Variants in CCDC171 observed in about 807,000 individuals in gnomAD.
CCDC171 encodes the protein coiled-coil domain containing 171.
In CCDC171, 177 loss-of-function variants were observed where a neutral mutation model predicts 168.2. The observed-to-expected ratio is 1.05, with a 90% CI of 0.93 to 1.19. The LOEUF (loss-of-function observed/expected upper bound fraction) is 1.19, where lower values mean the gene tolerates loss of function less well. CCDC171 is among the 50% of genes most tolerant of loss of function. CCDC171 has a pLI of 0.00. For missense variants in CCDC171, 1,991 were observed against 1,539.0 expected, an observed-to-expected ratio of 1.29 and a Z score of -4.91; for synonymous variants, 687 against 540.8, an observed-to-expected ratio of 1.27 and a Z score of -3.75.
intron 21 of CCDC171, among the ~76,000 whole-genome samples, chr9:15,807,126 G>A (rs374372155): frequency 7.2e-5 from 11 of 152,032 alleles, no homozygotes; most frequent in Admixed American, 1.3e-4. Context: ...TGGTTTTATC[G>A]CAGTTCTTAG....
intron 24 of CCDC171, among the ~76,000 whole-genome samples, chr9:15,880,081 G>C (rs373635385): frequency 3.9e-5 from 6 of 152,226 alleles, no homozygotes; most frequent in African/African-American, 1.4e-4. Flanking sequence ...ATTTTACACA[G>C]AGTTGCTAAG....
chr9:15,762,951 C>A (rs144083850), intron 18 of CCDC171, among the ~76,000 whole-genome samples: 158 of 152,224 alleles, frequency 1.0e-3, no homozygotes, highest in African/African-American at 3.7e-3. Context: ...CAAAGGCTGT[C>A]CTCACTTCTG....
At chr9:15,767,897 A>G (rs2056817502) in intron 18 of CCDC171, among the ~76,000 whole-genome samples, 2 of 74,786 alleles carry the variant, frequency 2.7e-5, no homozygotes, top group Admixed American at 3.7e-4. Flanking sequence ...AGCCATTAAA[A>G]AAATTTTTTT....
rs553996488 is a variant in CCDC171 at position 15,613,215 on chromosome 9, C to T, written c.676-10052C>T. Among the ~76,000 whole-genome samples the T allele has an allele frequency of 1.6e-3, 250 of 152,280 alleles. 1 individual carries two copies. The highest frequency in any genetic ancestry group is 5.9e-3 in the African/African-American group (244 of 41,580). ...TCTCTACGTCTTTGCCATCACCTGT[C>T]ATCATCAGTCTTTTTGATGATAACC... On this transcript the variant is annotated intron_variant, in intron 6 of 25. Transcript: ENST00000380701.
intron 12 of CCDC171, among the ~76,000 whole-genome samples, chr9:15,722,176 A>C (rs2053528497): frequency 6.6e-6 from 1 of 152,214 alleles, no homozygotes; most frequent in South Asian, 2.1e-4. Flanking sequence ...CAAGTAGTTT[A>C]AGTTAATATG....
At chr9:15,598,776 G>T (rs1326186617) in intron 6 of CCDC171, among the ~76,000 whole-genome samples, 1 of 152,090 alleles carries the variant, frequency 6.6e-6, no homozygotes, top group Non-Finnish European at 1.5e-5. Context: ...ATTATTGTGT[G>T]GGAGTCTAAG....
intron 5 of CCDC171, among the ~76,000 whole-genome samples, 163 bp downstream of exon 5, chr9:15,591,719 T>G (rs1288401650): frequency 1.3e-5 from 2 of 152,068 alleles, no homozygotes; most frequent in Non-Finnish European, 2.9e-5. Context: ...TGGTCTCTTT[T>G]GGAGTATATT....
intron 24 of CCDC171, among the ~76,000 whole-genome samples, chr9:15,908,963 A>G (rs1249090509): frequency 6.6e-6 from 1 of 152,160 alleles, no homozygotes; most frequent in East Asian, 1.9e-4. Context: ...ATACATGCAA[A>G]CTATATCAAC....
chr9:15,599,046 G>T (rs547002399), intron 6 of CCDC171, among the ~76,000 whole-genome samples: 1 of 152,100 alleles, frequency 6.6e-6, no homozygotes, highest in Non-Finnish European at 1.5e-5. Context: ...GTGTGTCTCT[G>T]CATGTGAGAT....
At chr9:15,778,442 C>T (rs1177293908) in intron 19 of CCDC171, among the ~76,000 whole-genome samples, 2 of 146,958 alleles carry the variant, frequency 1.4e-5, no homozygotes, top group Non-Finnish European at 3.0e-5. Flanking sequence ...AGTTCAAGAA[C>T]AGCCTGGCCA....
the CCDC171 span, among the ~76,000 whole-genome samples, chr9:16,101,032 G>T: frequency 6.6e-6 from 1 of 152,248 alleles, no homozygotes; most frequent in Non-Finnish European, 1.5e-5. Flanking sequence ...GGTGTTGACA[G>T]GCTCAGGCTG....
At chr9:15,576,325 G>T (rs2040660447) in intron 3 of CCDC171, among the ~76,000 whole-genome samples, 1 of 151,860 alleles carries the variant, frequency 6.6e-6, no homozygotes, top group Non-Finnish European at 1.5e-5. Flanking sequence ...CAGGACTGTA[G>T]GTGTGTGCCA....
chr9:15,681,452 G>T (rs527946961), intron 10 of CCDC171, among the ~76,000 whole-genome samples: 3 of 151,856 alleles, frequency 2.0e-5, no homozygotes, highest in African/African-American at 7.2e-5. Context: ...CTTCTTCCCT[G>T]TTAGCTTTCT....
intron 8 of CCDC171, 87 bp from the exon 9 acceptor site, chr9:15,666,076 T>G: frequency 8.7e-7 from 1 of 1,154,940 alleles, no homozygotes; most frequent in Non-Finnish European, 1.2e-6. Context: ...TGAATGATAA[T>G]CTGTTACTGA....
At chr9:16,068,494 A>C in the CCDC171 span, among the ~76,000 whole-genome samples, 1 of 152,280 alleles carries the variant, frequency 6.6e-6, no homozygotes, top group South Asian at 2.1e-4. Context: ...TGCTCTCTTC[A>C]GTATACTGTG....
chr9:15,920,902 A>G (rs1825228250), intron 25 of CCDC171, among the ~76,000 whole-genome samples: 2 of 151,788 alleles, frequency 1.3e-5, no homozygotes, highest in Admixed American at 1.3e-4. Context: ...ATTCAGTTTC[A>G]GCAGCTATTT....
intron 6 of CCDC171, among the ~76,000 whole-genome samples, chr9:15,603,158 G>A (rs370258707): frequency 3.3e-5 from 5 of 151,622 alleles, no homozygotes; most frequent in African/African-American, 4.8e-5. Context: ...AGTTTTTTTT[G>A]TATTTTTAGT....
Position 15,771,556 on chromosome 9 carries a change from C to A in CCDC171, c.2672-6044C>A, listed in dbSNP as rs1266319665. Among the ~76,000 whole-genome samples the A allele has an allele frequency of 2.9e-5, 4 of 136,528 alleles. No homozygotes were observed. In the East Asian group the frequency reaches 1.0e-3, roughly 35 times the overall value. The allele number at this position is 136,528 out of a possible 152,430, so 89.6% of individuals were successfully genotyped here. A position where few individuals can be genotyped will look rare whatever the true frequency, so the allele number is the denominator to read the frequency against. Reference sequence around the variant, plus strand: ...GGAATTATAAAAGCTCCTTGTGTATCATGTATATTAACACTTTATCATAGT... The same window carrying A: ...GGAATTATAAAAGCTCCTTGTGTATAATGTATATTAACACTTTATCATAGT... On this transcript the variant is annotated intron_variant, in intron 18 of 25. Coordinates refer to ENST00000380701, the MANE Select transcript of CCDC171 (RefSeq NM_173550.4).
chr9:15,780,912 C>A (rs2057633231), intron 20 of CCDC171, among the ~76,000 whole-genome samples: 1 of 152,040 alleles, frequency 6.6e-6, no homozygotes, highest in African/African-American at 2.4e-5. Flanking sequence ...GATGTTTATA[C>A]TTTTAAAAAC....
Sources: allele counts gnomAD v4.1 joint callset (sites outside exome capture counted in the v4.1 genomes callset), GRCh38; gene constraint gnomAD v4.1.1; transcripts MANE v1.5; gene names NCBI Gene and HGNC (gene_info 2026-07-23, HGNC 2026-07-21).